The following NAV2 variants were observed in gnomAD, a reference collection of about 807,000 sequenced individuals.
NAV2 encodes neuron navigator 2, also known as helicase, APC down-regulated 1.
Under a neutral mutation model 223.2 loss-of-function variants are expected in NAV2, and 54 were observed. That is an observed-to-expected ratio of 0.24 (90% CI 0.19 to 0.30). The LOEUF is 0.30. NAV2 is among the 10% of genes least tolerant of loss of function. The pLI, the probability that NAV2 is intolerant of heterozygous loss-of-function variation, is 1.00. For synonymous variants in NAV2, 1,279 were observed against 1,239.3 expected (o/e 1.03, Z -0.67); for missense variants, 2,806 against 3,147.5 (o/e 0.89, Z 2.60).
intron 1 of NAV2, among the ~76,000 whole-genome samples, chr11:19,441,378 A>G (rs1364168512): frequency 6.6e-6 from 1 of 152,086 alleles, no homozygotes. Context: ...ATCAAATCAC[A>G]TTGGCTGCTG....
At chr11:19,386,729 G>T (rs964494005) in intron 1 of NAV2, among the ~76,000 whole-genome samples, 1 of 152,136 alleles carries the variant, frequency 6.6e-6, no homozygotes, top group Non-Finnish European at 1.5e-5. Flanking sequence ...GTGAGTTTTT[G>T]AAGCAAGCTC....
At chr11:19,636,204 C>T (rs1296053413) in intron 1 of NAV2, among the ~76,000 whole-genome samples, 1 of 152,210 alleles carries the variant, frequency 6.6e-6, no homozygotes, top group African/African-American at 2.4e-5. Context: ...GTTCCCCACT[C>T]TGTTCTCCAT....
chr11:20,033,992 C>G lies in NAV2; in HGVS notation c.2769-1967C>G, dbSNP rs530554382. On this transcript the variant is annotated intron_variant, in intron 11 of 37. Transcript: ENST00000349880. The stretch of plus-strand genomic sequence containing the variant: ...ATCAGACCTGCCACTCCTGGCTGAG[C>G]GGCCTTTAACCAGGCTGCCTGGCCT... Among the ~76,000 whole-genome samples the G allele has an allele frequency of 1.4e-3, 211 of 152,178 alleles. 1 individual carries two copies. Among genetic ancestry groups the G allele is most frequent in the Non-Finnish European group, 2.4e-3 (165 of 68,026 alleles).
chr11:19,963,410 A>T (rs1388230228), intron 10 of NAV2, among the ~76,000 whole-genome samples: 2 of 152,208 alleles, frequency 1.3e-5, no homozygotes, highest in Non-Finnish European at 2.9e-5. Context: ...AGTTTACTAT[A>T]GCTAGTCCCC....
At chr11:19,914,707 G>A (rs1188675831) in intron 6 of NAV2, among the ~76,000 whole-genome samples, 1 of 151,690 alleles carries the variant, frequency 6.6e-6, no homozygotes, top group Non-Finnish European at 1.5e-5. Flanking sequence ...ACCGCGCCCG[G>A]CTAATTTTTT....
Position 20,103,235 on chromosome 11 carries a change from G to C in NAV2, c.6418-20G>C, listed in dbSNP as rs2153702520. The C allele has an allele frequency of 6.2e-7, 1 of 1,602,266 alleles. No individual in the cohort carries two copies. The highest frequency in any genetic ancestry group is 8.5e-7 in the Non-Finnish European group (1 of 1,173,232). On this transcript the variant is annotated intron_variant, in intron 32 of 37. Transcript: ENST00000349880. ...TGCATTCACCCACTTGTTCTCCTTC[G>C]GCCTTCCTGGCCACCATAGGAATTG... is the stretch of plus-strand genomic sequence containing the variant.
intron 1 of NAV2, among the ~76,000 whole-genome samples, chr11:19,548,831 T>C (rs1412803117): frequency 1.5e-5 from 2 of 132,528 alleles, no homozygotes; most frequent in Non-Finnish European, 3.0e-5. Flanking sequence ...TGAGCCAAGA[T>C]CATGCCACAG....
rs527863106 is a variant in NAV2 at position 19,482,403 on chromosome 11, G to T, written c.75+131376G>T. 2.6e-5 allele frequency among the ~76,000 whole-genome samples: 4 copies of T among 152,252 alleles called. No individual in the cohort carries two copies. The South Asian group carries it at 8.3e-4, about 32-fold the overall frequency. ...TCTACAGTGAAACTCAACTGTCCTG[G>T]ACCATAATGAATGTTCTATAGGACC... On this transcript the variant is annotated intron_variant, in intron 1 of 37. Transcript: ENST00000360655.
At chr11:19,951,788 T>C (rs1383546661) in intron 10 of NAV2, among the ~76,000 whole-genome samples, 1 of 152,228 alleles carries the variant, frequency 6.6e-6, no homozygotes, top group East Asian at 1.9e-4. Flanking sequence ...GATGTTTACA[T>C]TTCAGTTCCA....
intron 1 of NAV2, among the ~76,000 whole-genome samples, chr11:19,386,778 T>C (rs913149930): frequency 6.6e-6 from 1 of 151,950 alleles, no homozygotes; most frequent in African/African-American, 2.4e-5. Context: ...GAAAAGGCAA[T>C]GGGTAAAGGG....
chr11:19,798,858 C>T (rs774741916), intron 1 of NAV2, among the ~76,000 whole-genome samples: 2 of 152,182 alleles, frequency 1.3e-5, no homozygotes, highest in East Asian at 1.9e-4. Context: ...TGCCTGACTT[C>T]GACCTATGAA....
intron 7 of NAV2, among the ~76,000 whole-genome samples, chr11:19,934,827 G>GA (rs2045701643): frequency 5.5e-4 from 2 of 3,666 alleles, no homozygotes; most frequent in Admixed American, 9.9e-3. Context: ...GGGAGGGGCT[G>GA]GTCTAGAAGA....
Position 20,118,589 on chromosome 11 carries a change from A to AG in NAV2, c.*331_*332insG, listed in dbSNP as rs1565123167. 2.2e-4 allele frequency: 7 copies of AG among 31,468 alleles called. No homozygotes were observed. The highest frequency in any genetic ancestry group is 9.0e-4 in the Admixed American group (1 of 1,116). 1.9% of individuals were successfully genotyped at this position (31,468 alleles called of 1,614,324 possible). A position where few individuals can be genotyped will look rare whatever the true frequency, so the allele number is the denominator to read the frequency against. On this transcript the variant is annotated 3_prime_UTR_variant, in exon 38 of 38. Transcript: ENST00000349880. ...TGAAATGAAAAGAGAGACAGAGAGA[A>AG]AAAAAAAAAGAGAACCCACATGAAG...
At chr11:19,400,749 A>T (rs1322389648) in intron 1 of NAV2, among the ~76,000 whole-genome samples, 1 of 152,216 alleles carries the variant, frequency 6.6e-6, no homozygotes, top group Non-Finnish European at 1.5e-5. Flanking sequence ...GATGCTCATT[A>T]TCTATTGCAT....
At chr11:19,884,200 T>A in intron 5 of NAV2, 2 of 872,052 alleles carry the variant, frequency 2.3e-6, no homozygotes, top group South Asian at 3.3e-5. Flanking sequence ...AACAGCAACA[T>A]CCCCATTGTC....
chr11:19,682,236 A>G (rs1208840712), intron 1 of NAV2, among the ~76,000 whole-genome samples: 1 of 152,228 alleles, frequency 6.6e-6, no homozygotes, highest in African/African-American at 2.4e-5. Flanking sequence ...GGGGCTGGTG[A>G]TAATACCATG....
intron 5 of NAV2, among the ~76,000 whole-genome samples, chr11:19,886,984 C>A (rs187184790): frequency 1.3e-5 from 2 of 152,202 alleles, no homozygotes; most frequent in African/African-American, 2.4e-5. Context: ...CTTCTCTACA[C>A]CCCCCTTTCC....
At chr11:19,663,990 C>G (rs1218841644) in intron 1 of NAV2, among the ~76,000 whole-genome samples, 1 of 152,172 alleles carries the variant, frequency 6.6e-6, no homozygotes, top group Non-Finnish European at 1.5e-5. Context: ...AAGCCCAGAC[C>G]ACAGCTTCAG....
rs754324254 is a variant in NAV2 at position 19,933,671 on chromosome 11, C to T, written c.1427C>T (p.Thr476Ile). The change falls in exon 7 of 38, where the codon ACC (threonine) becomes ATC (isoleucine). Residue 476 changes from threonine to isoleucine, a missense_variant. Transcript: ENST00000349880. The surrounding 1 kb of genome is among the most constrained non-coding windows in gnomAD (Gnocchi z 4.3). ...IAQRTFSRAL[T>I]NKKSSLKGNE... Reference sequence around the variant, plus strand: ...CAGAGGACTTTTAGCCGGGCACTGACCAACAAGAAGAGTTCTCTGAAAGGC... The same window carrying T: ...CAGAGGACTTTTAGCCGGGCACTGATCAACAAGAAGAGTTCTCTGAAAGGC... The T allele has an allele frequency of 1.9e-6, 3 of 1,614,102 alleles. No homozygotes were observed. The highest frequency in any genetic ancestry group is 2.5e-6 in the Non-Finnish European group (3 of 1,180,028).
Sources: allele counts gnomAD v4.1 joint callset (sites outside exome capture counted in the v4.1 genomes callset), GRCh38; gene constraint gnomAD v4.1.1; non-coding constraint Gnocchi (gnomAD v3.1); transcripts MANE v1.5; gene names NCBI Gene and HGNC (gene_info 2026-07-23, HGNC 2026-07-21).